The following SHISA9 variants were observed in gnomAD, a reference collection of about 807,000 sequenced individuals.
The protein encoded by SHISA9 is shisa family member 9, also known as protein shisa-9.
Under a neutral mutation model 38.0 loss-of-function variants are expected in SHISA9, and 13 were observed. That is an observed-to-expected ratio of 0.34 (90% CI 0.22 to 0.54). The LOEUF is 0.54. Among genes scored for constraint, SHISA9 ranks in the 20% least tolerant of loss-of-function variants. The pLI is 0.91. For synonymous variants in SHISA9, 275 were observed against 242.0 expected (o/e 1.14, Z -1.27); for missense variants, 538 against 575.8 (o/e 0.93, Z 0.67).
chr16:13,174,568 A>G (rs1349388384), intron 2 of SHISA9, among the ~76,000 whole-genome samples: 1 of 152,254 alleles, frequency 6.6e-6, no homozygotes, highest in Non-Finnish European at 1.5e-5. Flanking sequence ...AGAAATATTT[A>G]TGAGAAAGAA....
At chr16:13,379,692 C>T in the SHISA9 span, among the ~76,000 whole-genome samples, 11 of 152,224 alleles carry the variant, frequency 7.2e-5, no homozygotes, top group South Asian at 6.2e-4. Flanking sequence ...AATTCCTCCG[C>T]GGTGGGCATT....
rs143782172 is a variant in SHISA9 at position 13,203,719 on chromosome 16, A to G, written c.847+170A>G. On this transcript the variant is annotated intron_variant, in intron 3 of 4. Transcript: ENST00000558583. ...TCTCATTTTTGTTCTCTCTCTGTCT[A>G]TAAATATGTATATCTATATATCTAT... Among the ~76,000 whole-genome samples the G allele has an allele frequency of 7.2e-5, 11 of 151,778 alleles. No individual in the cohort carries two copies. The East Asian group carries it at 2.1e-3, about 29-fold the overall frequency.
At chr16:12,934,453 C>G (rs1424012954) in intron 2 of SHISA9, among the ~76,000 whole-genome samples, 1 of 152,172 alleles carries the variant, frequency 6.6e-6, no homozygotes, top group African/African-American at 2.4e-5. Flanking sequence ...TTATGTTCAT[C>G]CCAGTGTTTT....
At chr16:13,156,382 C>T (rs1331732318) in intron 2 of SHISA9, among the ~76,000 whole-genome samples, 4 of 152,070 alleles carry the variant, frequency 2.6e-5, no homozygotes, top group Non-Finnish European at 5.9e-5. Flanking sequence ...TGTGTACACG[C>T]GTATATGCAC....
chr16:12,923,800 C>A (rs2071359701), intron 2 of SHISA9, among the ~76,000 whole-genome samples: 1 of 151,468 alleles, frequency 6.6e-6, no homozygotes, highest in Non-Finnish European at 1.5e-5. Flanking sequence ...GAGATCACGT[C>A]ACTGCACCCC....
At chr16:12,927,564 AT>A (rs1395091100) in intron 2 of SHISA9, among the ~76,000 whole-genome samples, 2 of 150,648 alleles carry the variant, frequency 1.3e-5, no homozygotes, top group Admixed American at 1.3e-4. Context: ...ATGTCAGCTA[AT>A]TTTTTTTGAT....
the SHISA9 span, among the ~76,000 whole-genome samples, chr16:13,423,962 A>T: frequency 6.6e-6 from 1 of 152,198 alleles, no homozygotes; most frequent in South Asian, 2.1e-4. Flanking sequence ...TGTCAGGAAG[A>T]GCTCTGTCCC....
the SHISA9 span, among the ~76,000 whole-genome samples, chr16:13,419,584 AG>A: frequency 6.6e-6 from 1 of 152,212 alleles, no homozygotes; most frequent in Admixed American, 6.5e-5. Flanking sequence ...GTTATAAGAG[AG>A]GATTAAAAAA....
At chr16:13,173,260 A>G (rs564864469) in intron 2 of SHISA9, among the ~76,000 whole-genome samples, 2 of 152,096 alleles carry the variant, frequency 1.3e-5, no homozygotes, top group Admixed American at 1.3e-4. Context: ...AATGCAATAT[A>G]AACACACAGA....
intron 2 of SHISA9, among the ~76,000 whole-genome samples, chr16:13,005,391 C>A (rs1465633103): frequency 6.6e-6 from 1 of 152,064 alleles, no homozygotes; most frequent in Admixed American, 6.5e-5. Context: ...TTATGAGGCG[C>A]CTACTATGTG....
intron 2 of SHISA9, among the ~76,000 whole-genome samples, chr16:12,966,735 T>A (rs549044946): frequency 2.3e-4 from 35 of 152,256 alleles, no homozygotes; most frequent in South Asian, 4.1e-4. Context: ...TGGCACAGAG[T>A]AAGTGCTAAG....
the SHISA9 span, among the ~76,000 whole-genome samples, chr16:13,259,521 T>A: frequency 3.2e-4 from 49 of 152,358 alleles, no homozygotes; most frequent in East Asian, 6.4e-3. Flanking sequence ...CCTCCTGCAC[T>A]GCCCTAGCAG....
intron 2 of SHISA9, among the ~76,000 whole-genome samples, chr16:13,108,996 G>A (rs1458023024): frequency 6.6e-6 from 1 of 152,052 alleles, no homozygotes; most frequent in African/African-American, 2.4e-5. Context: ...GATGATTCAG[G>A]GTGGCTGCTT....
At chr16:13,317,555 A>G in the SHISA9 span, among the ~76,000 whole-genome samples, 2 of 152,126 alleles carry the variant, frequency 1.3e-5, no homozygotes, top group African/African-American at 4.8e-5. Context: ...GCACCCATTC[A>G]TTCAAACTGC....
At chr16:13,407,117 C>T in the SHISA9 span, among the ~76,000 whole-genome samples, 1 of 144,362 alleles carries the variant, frequency 6.9e-6, no homozygotes, top group Non-Finnish European at 1.5e-5. Context: ...TTGGGCTGCT[C>T]TAGTCTATTC....
At chr16:13,442,899 C>G in the SHISA9 span, among the ~76,000 whole-genome samples, 1 of 152,170 alleles carries the variant, frequency 6.6e-6, no homozygotes, top group Non-Finnish European at 1.5e-5. Context: ...CCTATTTCAA[C>G]ATTAATAGTT....
the SHISA9 span, among the ~76,000 whole-genome samples, chr16:13,559,480 T>C: frequency 6.6e-6 from 1 of 151,666 alleles, no homozygotes; most frequent in Non-Finnish European, 1.5e-5. Context: ...TGGGCTTAGG[T>C]CATCCTCCCA....
intron 2 of SHISA9, among the ~76,000 whole-genome samples, chr16:13,094,722 G>T (rs1302512703): frequency 6.6e-6 from 1 of 152,036 alleles, no homozygotes; most frequent in African/African-American, 2.4e-5. Context: ...ACTTTGTTTT[G>T]GGTAAAATGA....
intron 2 of SHISA9, among the ~76,000 whole-genome samples, chr16:12,943,326 TGTGTGAGAGAGA>T (rs2071644371): frequency 2.0e-4 from 4 of 19,974 alleles, no homozygotes; most frequent in Admixed American, 9.3e-4. Flanking sequence ...TGTGTGTGTG[TGTGTGAGAGAGA>T]GAGAGAGAGA....
Sources: gnomAD v4.1 joint callset for allele counts (sites outside exome capture counted in the v4.1 genomes callset) on GRCh38, gnomAD v4.1.1 for gene constraint, MANE v1.5 for transcripts, NCBI Gene and HGNC (gene_info 2026-07-23, HGNC 2026-07-21) for gene names.